Variants in RTEL1 observed in about 807,000 individuals in gnomAD.
The protein encoded by RTEL1 is regulator of telomere length.
Under a neutral mutation model 162.2 loss-of-function variants are expected in RTEL1, and 86 were observed. The ratio of observed to expected loss-of-function variants is 0.53; its 90% CI spans 0.45 to 0.63. The LOEUF (loss-of-function observed/expected upper bound fraction) is 0.63. Ranked by LOEUF, RTEL1 falls within the 30% of genes least tolerant of loss-of-function variation. RTEL1 has a pLI of 0.00. For synonymous variants in RTEL1, 958 were observed against 717.9 expected, an observed-to-expected ratio of 1.33 and a Z score of -5.35; for missense variants, 1,941 against 1,750.2, an observed-to-expected ratio of 1.11 and a Z score of -1.95.
chr20:63,682,869 G>A (rs2090506718), intron 14 of RTEL1, among the ~76,000 whole-genome samples: 1 of 152,252 alleles, frequency 6.6e-6, no homozygotes, highest in Non-Finnish European at 1.5e-5. Context: ...GCCCGTGTTG[G>A]GGAACCAGTT....
At chr20:63,684,727 C>T (rs1207789819) in intron 14 of RTEL1, among the ~76,000 whole-genome samples, 2 of 152,160 alleles carry the variant, frequency 1.3e-5, no homozygotes, top group Non-Finnish European at 2.9e-5. Flanking sequence ...CTCACCTTGG[C>T]CTCCCAGAGT....
At position 63,668,212 on chromosome 20, in the gene RTEL1, C is replaced by T. The variant is rs925809103; in HGVS notation, c.699+659C>T. Among the ~76,000 whole-genome samples the T allele has an allele frequency of 2.6e-5, 4 of 152,230 alleles. No individual in the cohort carries two copies. The highest frequency in any genetic ancestry group is 9.6e-5 in the African/African-American group (4 of 41,458). On this transcript the variant is annotated intron_variant, in intron 8 of 34. Coordinates refer to ENST00000360203, the MANE Select transcript of RTEL1 (RefSeq NM_001283009.2). This position sits in a 1 kb window ranked among gnomAD's most constrained non-coding sequence, Gnocchi z 4.3. ...CTCCCCATGTGCCCTGCTTTTGTGC[C>T]CCACACTTTTTACTTAGTGCAGGTG... is the stretch of plus-strand genomic sequence containing the variant.
At chr20:63,681,190 C>A in intron 14 of RTEL1, 14 of 985,454 alleles carry the variant, frequency 1.4e-5, no homozygotes, top group Non-Finnish European at 1.7e-5. Context: ...CCCTGGCCCC[C>A]TTCTCATTGG....
chr20:63,662,322 C>G (rs2090035919), intron 4 of RTEL1: 2 of 814,484 alleles, frequency 2.5e-6, no homozygotes, highest in Non-Finnish European at 4.0e-6. Flanking sequence ...GTTCCTGTGG[C>G]CGGACCAGTG....
chr20:63,689,427 G>T, intron 22 of RTEL1, 75 bp from the exon 23 acceptor site: 1 of 1,441,346 alleles, frequency 6.9e-7, no homozygotes. Context: ...CCTCGGGGAA[G>T]GTGGCTGGGC....
At chr20:63,672,326 G>T (rs987054072) in intron 8 of RTEL1, among the ~76,000 whole-genome samples, 1 of 152,206 alleles carries the variant, frequency 6.6e-6, no homozygotes, top group African/African-American at 2.4e-5. Flanking sequence ...CTTGCTGAGC[G>T]TGGCACGTGC....
Position 63,680,086 on chromosome 20 carries a change from C to T in RTEL1, c.1135+140C>T, listed in dbSNP as rs372678263. ...GGCCCACAGAACCTCATCTTCTGAT[C>T]GGGGCGTGGAGGCGTTAGTGCCACT... On this transcript the variant is annotated intron_variant, in intron 13 of 34. Transcript: ENST00000360203. The T allele has an allele frequency of 7.2e-5, 46 of 635,596 alleles. No individual in the cohort carries two copies. In the Admixed American group the frequency reaches 8.3e-4, roughly 12 times the overall value. The allele number at this position is 635,596 out of a possible 1,614,324, so 39.4% of individuals were successfully genotyped here. A position where few individuals can be genotyped will look rare whatever the true frequency, so the allele number is the denominator to read the frequency against.
intron 7 of RTEL1, among the ~76,000 whole-genome samples, chr20:63,667,113 A>G (rs767300578): frequency 2.6e-5 from 4 of 152,146 alleles, no homozygotes; most frequent in South Asian, 2.1e-4. Context: ...TGCTGGGATT[A>G]CAGGAGTGAG....
chr20:63,674,153 C>A, intron 10 of RTEL1, 60 bp downstream of exon 10: 1 of 1,543,990 alleles, frequency 6.5e-7, no homozygotes, highest in South Asian at 1.2e-5. Flanking sequence ...GTGAGCCCCA[C>A]CCGGAGTTCA....
In RTEL1 at chr20:63,671,167, TCTC is replaced by T. The variant is rs566635575; in HGVS notation, c.700-1386_700-1384del. Among the ~76,000 whole-genome samples the T allele has an allele frequency of 1.7e-3, 255 of 152,126 alleles. 1 individual carries two copies. The highest frequency in any genetic ancestry group is 2.5e-3 in the Non-Finnish European group (173 of 68,000). On this transcript the variant is annotated intron_variant, in intron 8 of 34. Transcript: ENST00000360203. ...CTTCCGCCTCTTGGGTTCAAACAGT[TCTC>T]CTGCCTCAGCCTTCCGAGTAGCTGG...
At chr20:63,676,913 G>C (rs2738781) in intron 10 of RTEL1, among the ~76,000 whole-genome samples, 1 of 151,858 alleles carries the variant, frequency 6.6e-6, no homozygotes, top group Non-Finnish European at 1.5e-5. Flanking sequence ...CCAGCCTGGC[G>C]ACAGAGCGAG....
At chr20:63,666,972 TGGGACTACAGGTGC>T (rs1476685132) in intron 7 of RTEL1, among the ~76,000 whole-genome samples, 1 of 151,770 alleles carries the variant, frequency 6.6e-6, no homozygotes, top group Non-Finnish European at 1.5e-5. Context: ...CCCGAGTAGC[TGGGACTACAGGTGC>T]CCGCCACCAC....
At chr20:63,683,247 A>G (rs187013584) in intron 14 of RTEL1, among the ~76,000 whole-genome samples, 27 of 152,320 alleles carry the variant, frequency 1.8e-4, no homozygotes, top group Admixed American at 8.5e-4. Flanking sequence ...ATTACAGGCA[A>G]GAGCTTCCAT....
intron 27 of RTEL1, among the ~76,000 whole-genome samples, 170 bp downstream of exon 27, chr20:63,691,117 C>T (rs914986144): frequency 6.6e-6 from 1 of 151,978 alleles, no homozygotes; most frequent in Non-Finnish European, 1.5e-5. Context: ...TCTGTGGGTC[C>T]TCCACCCCAC....
In RTEL1 at chr20:63,692,808, G is replaced by A. The variant is rs2090784682; in HGVS notation, c.2656G>A (p.Glu886Lys). 1 of 1,609,870 alleles carries A rather than the reference G, an allele frequency of 6.2e-7. No individual in the cohort carries two copies. The highest frequency in any genetic ancestry group is 2.2e-5 in the East Asian group (1 of 44,778). Residue 886 changes from glutamate to lysine, a missense_variant, in exon 29 of 35, where the codon GAG becomes AAG. Glu to Lys is a moderately conservative substitution (Grantham distance 56, BLOSUM62 1). Coordinates refer to ENST00000360203, the MANE Select transcript of RTEL1 (RefSeq NM_001283009.2). ...GCCTCGGGCCTGTGTCCTGCAGGAG[G>A]AGCCCGTGGCTGGTGCACAGACGGA... ...KKIRLVSHPE[E>K]PVAGAQTDRA... is the part of the protein sequence containing the mutation.
chr20:63,691,233 C>G (rs959398719), intron 27 of RTEL1, among the ~76,000 whole-genome samples: 4 of 152,188 alleles, frequency 2.6e-5, no homozygotes, highest in Non-Finnish European at 5.9e-5. Flanking sequence ...TCAGTGCACT[C>G]AAGGTCGGGT....
rs1209413497 is a variant in RTEL1, at chr20:63,694,844, G to A, written c.3213G>A (p.Leu1071=). 35 of 1,612,622 alleles carry A rather than the reference G, an allele frequency of 2.2e-5. No individual in the cohort carries two copies. The highest frequency in any genetic ancestry group is 2.9e-5 in the Non-Finnish European group (34 of 1,179,852). ...SAYLADARRA[L]GSAGCSQLLA... Reference sequence around the variant, plus strand: ...ACCTGGCTGATGCCCGCAGGGCCCTGGGGTCCGCGGGCTGTAGCCAACTCT... The same window carrying A: ...ACCTGGCTGATGCCCGCAGGGCCCTAGGGTCCGCGGGCTGTAGCCAACTCT... The change falls in exon 32 of 35, where the codon CTG becomes CTA. Residue 1071 remains leucine, a synonymous_variant. Coordinates refer to ENST00000360203, the MANE Select transcript of RTEL1 (RefSeq NM_001283009.2).
At chr20:63,672,251 C>T (rs1388902462) in intron 8 of RTEL1, among the ~76,000 whole-genome samples, 1 of 152,202 alleles carries the variant, frequency 6.6e-6, no homozygotes, top group African/African-American at 2.4e-5. Flanking sequence ...GTCTTCCTGG[C>T]TCCTCTGGTC....
intron 10 of RTEL1, among the ~76,000 whole-genome samples, chr20:63,676,554 C>T (rs1302942261): frequency 6.6e-6 from 1 of 152,184 alleles, no homozygotes; most frequent in Non-Finnish European, 1.5e-5. Flanking sequence ...ATTCCATCAT[C>T]TAGTCAGTTA....
Sources: allele counts gnomAD v4.1 joint callset (sites outside exome capture counted in the v4.1 genomes callset), GRCh38; gene constraint gnomAD v4.1.1; non-coding constraint Gnocchi (gnomAD v3.1); transcripts MANE v1.5; gene names NCBI Gene and HGNC (gene_info 2026-07-23, HGNC 2026-07-21).